CCNYL1: variants seen among roughly 807,000 people sequenced by gnomAD.
CCNYL1 encodes the protein cyclin-Y-like protein 1.
Under a neutral mutation model 44.2 loss-of-function variants are expected in CCNYL1, and 16 were observed. The observed-to-expected ratio is 0.36, with a 90% CI of 0.25 to 0.55. The LOEUF (loss-of-function observed/expected upper bound fraction) is 0.55, where lower values mean the gene tolerates loss of function less well. Among genes scored for constraint, CCNYL1 ranks in the 20% least tolerant of loss-of-function variants. The pLI is 0.85. For missense variants in CCNYL1, 348 were observed against 451.8 expected, an observed-to-expected ratio of 0.77 and a Z score of 2.08; for synonymous variants, 159 against 163.2, an observed-to-expected ratio of 0.97 and a Z score of 0.20.
At chr2:207,719,420 C>T (rs868087874) in intron 1 of CCNYL1, among the ~76,000 whole-genome samples, 1 of 151,564 alleles carries the variant, frequency 6.6e-6, no homozygotes, top group Non-Finnish European at 1.5e-5. Flanking sequence ...AATGCCTCAG[C>T]CTCCTGAGTA....
At chr2:207,737,383 T>TA (rs1351617430) in intron 4 of CCNYL1, 28 bp from the exon 5 acceptor site, 2 of 1,569,504 alleles carry the variant, frequency 1.3e-6, no homozygotes, top group African/African-American at 2.7e-5. Context: ...AATCAGTTGT[T>TA]AAAAATAATT....
rs146579856 is a variant in CCNYL1 at position 207,750,655 on chromosome 2, C to T, written c.807-302C>T. The T allele has an allele frequency of 5.8e-3, 1,427 of 245,600 alleles. 8 individuals are homozygous for T. Among genetic ancestry groups the T allele is most frequent in the Non-Finnish European group, 8.8e-3 (1,125 of 128,558 alleles). 15.2% of individuals were successfully genotyped at this position (245,600 alleles called of 1,614,324 possible). ...ACTATAGTGGGGCCTTGTGAGTGAGCGTGAAGTATGAATTGTACAGCTGCA... is the reference window on the plus strand; with the variant it reads ...ACTATAGTGGGGCCTTGTGAGTGAGTGTGAAGTATGAATTGTACAGCTGCA... On this transcript the variant is annotated intron_variant, in intron 8 of 9. Coordinates refer to ENST00000295414, the MANE Select transcript of CCNYL1 (RefSeq NM_001330218.2).
chr2:207,737,463 C>A lies in CCNYL1; in HGVS notation c.467+17C>A, dbSNP rs1489299463. 1 of 1,603,138 alleles carries A rather than the reference C, an allele frequency of 6.2e-7. No homozygotes were observed. The highest frequency in any genetic ancestry group is 8.5e-7 in the Non-Finnish European group (1 of 1,171,926). On this transcript the variant is annotated intron_variant, in intron 5 of 9. Coordinates refer to ENST00000295414, the MANE Select transcript of CCNYL1 (RefSeq NM_001330218.2). ...AAAGAACAGGTGAGCTCCTTTAAAA[C>A]CTGTCTTGTTATTCCAGCTAATTAC...
chr2:207,727,057 T>C (rs2091685153), intron 3 of CCNYL1, among the ~76,000 whole-genome samples, 181 bp downstream of exon 3: 1 of 152,222 alleles, frequency 6.6e-6, no homozygotes, highest in African/African-American at 2.4e-5. Flanking sequence ...TGACTTAGTG[T>C]ACCCAATTGT....
At chr2:207,747,241 T>A (rs1456662094) in intron 8 of CCNYL1, 28 bp downstream of exon 8, 2 of 1,583,888 alleles carry the variant, frequency 1.3e-6, no homozygotes, top group African/African-American at 2.7e-5. Context: ...TGGTGAACTT[T>A]CTAACCATTT....
chr2:207,738,873 C>G (rs768117025), intron 5 of CCNYL1, among the ~76,000 whole-genome samples: 1 of 152,062 alleles, frequency 6.6e-6, no homozygotes, highest in East Asian at 1.9e-4. Flanking sequence ...ATACATACCA[C>G]CATACCAGCT....
rs1327535360 is a variant in CCNYL1 at position 207,746,996 on chromosome 2, T to C, written c.640-51T>C. 5 of 1,356,212 alleles carry C rather than the reference T, an allele frequency of 3.7e-6. No individual in the cohort carries two copies. The East Asian group carries it at 1.2e-4, about 32-fold the overall frequency. The allele number at this position is 1,356,212 out of a possible 1,614,324, so 84.0% of individuals were successfully genotyped here. A position where few individuals can be genotyped will look rare whatever the true frequency, so the allele number is the denominator to read the frequency against. On this transcript the variant is annotated intron_variant, in intron 7 of 9. Coordinates refer to ENST00000295414, the MANE Select transcript of CCNYL1 (RefSeq NM_001330218.2). ...GTCTCAAAAAAAAAAAAAAAGCTTA[T>C]CAAAGCATTTAAACTGAACTAAAAT... is the stretch of plus-strand genomic sequence containing the variant.
chr2:207,731,500 T>C (rs2091725715), intron 3 of CCNYL1, among the ~76,000 whole-genome samples: 1 of 152,144 alleles, frequency 6.6e-6, no homozygotes, highest in Non-Finnish European at 1.5e-5. Flanking sequence ...CTTTCAGTAG[T>C]GTTTTGTTGT....
chr2:207,726,132 G>A (rs115534673), intron 2 of CCNYL1, among the ~76,000 whole-genome samples: 473 of 152,342 alleles, frequency 3.1e-3, no homozygotes, highest in Admixed American at 6.8e-3. Context: ...CAGTGGTAAG[G>A]AGTGTGTGCT....
chr2:207,741,004 T>C (rs2551965), intron 6 of CCNYL1, among the ~76,000 whole-genome samples: 1 of 151,276 alleles, frequency 6.6e-6, no homozygotes, highest in South Asian at 2.1e-4. Context: ...GCCTGTAATC[T>C]CAGCACTTTG....
chr2:207,729,188 C>G (rs1244210979), intron 3 of CCNYL1, among the ~76,000 whole-genome samples: 4 of 148,604 alleles, frequency 2.7e-5, no homozygotes, highest in Non-Finnish European at 5.9e-5. Flanking sequence ...TCCTGATATT[C>G]TTACTATTCA....
chr2:207,722,239 A>AT (rs552225088), intron 1 of CCNYL1, among the ~76,000 whole-genome samples: 81 of 151,448 alleles, frequency 5.3e-4, no homozygotes, highest in African/African-American at 1.9e-3. Flanking sequence ...CGCCTGGCTG[A>AT]TTTTTTTGTA....
At chr2:207,729,730 G>A (rs2091711073) in intron 3 of CCNYL1, among the ~76,000 whole-genome samples, 1 of 151,416 alleles carries the variant, frequency 6.6e-6, no homozygotes, top group African/African-American at 2.4e-5. Flanking sequence ...CTTTCTGAGA[G>A]AGTCTCATTC....
At chr2:207,752,533 T>C (rs1469026189) in intron 9 of CCNYL1, among the ~76,000 whole-genome samples, 1 of 136,020 alleles carries the variant, frequency 7.4e-6, no homozygotes, top group African/African-American at 3.1e-5. Flanking sequence ...GACCCTTGTC[T>C]CAAAAAAAAA....
intron 7 of CCNYL1, among the ~76,000 whole-genome samples, chr2:207,744,979 C>CA (rs2091843950): frequency 6.6e-6 from 1 of 152,020 alleles, no homozygotes; most frequent in Non-Finnish European, 1.5e-5. Flanking sequence ...ATGCCCTGTA[C>CA]AATATTAGGG....
intron 1 of CCNYL1, among the ~76,000 whole-genome samples, chr2:207,718,024 C>T (rs1202244810): frequency 6.6e-6 from 1 of 151,390 alleles, no homozygotes; most frequent in Non-Finnish European, 1.5e-5. Flanking sequence ...CCTGCCTCAG[C>T]CTCCCGAGTA....
chr2:207,718,580 G>A (rs989690187), intron 1 of CCNYL1, among the ~76,000 whole-genome samples: 1 of 151,900 alleles, frequency 6.6e-6, no homozygotes, highest in African/African-American at 2.4e-5. Context: ...AAAAATAAAT[G>A]CAGATGATCC....
intron 5 of CCNYL1, 141 bp downstream of exon 5, chr2:207,737,587 G>C (rs2091775276): frequency 1.7e-6 from 1 of 575,108 alleles, no homozygotes; most frequent in Admixed American, 3.9e-5. Flanking sequence ...TGGTTTTTCT[G>C]GTCCCCAAGA....
At chr2:207,750,916 CAT>C in intron 8 of CCNYL1, 39 bp from the exon 9 acceptor site, 1 of 1,580,244 alleles carries the variant, frequency 6.3e-7, no homozygotes, top group Non-Finnish European at 8.6e-7. Context: ...AGTTGACTGA[CAT>C]TGTCCTGTGC....
Sources: allele counts gnomAD v4.1 joint callset (sites outside exome capture counted in the v4.1 genomes callset), GRCh38; gene constraint gnomAD v4.1.1; transcripts MANE v1.5; gene names NCBI Gene and HGNC (gene_info 2026-07-23, HGNC 2026-07-21).